The following SPATA13 variants were observed in gnomAD, a reference collection of about 807,000 sequenced individuals.
SPATA13 encodes spermatogenesis-associated protein 13.
SPATA13 carries 50 observed loss-of-function variants against 104.0 expected under a neutral mutation model. That is an observed-to-expected ratio of 0.48 (90% CI 0.38 to 0.61). The LOEUF (loss-of-function observed/expected upper bound fraction) is 0.61, where lower values mean the gene tolerates loss of function less well. Ranked by LOEUF, SPATA13 falls within the 20% of genes least tolerant of loss-of-function variation. The probability of loss-of-function intolerance (pLI) is 0.00; values close to 1 mark genes in which losing one functional copy is unlikely to be tolerated. For synonymous variants in SPATA13, 606 were observed against 667.5 expected, an observed-to-expected ratio of 0.91 and a Z score of 1.42; for missense variants, 1,524 against 1,690.6, an observed-to-expected ratio of 0.90 and a Z score of 1.73.
intron 3 of SPATA13, among the ~76,000 whole-genome samples, chr13:24,035,744 T>G (rs1380850555): frequency 6.6e-6 from 1 of 152,110 alleles, no homozygotes; most frequent in Non-Finnish European, 1.5e-5. Context: ...CTGAGCGAGG[T>G]GGCGCACACC....
chr13:24,046,877 T>G (rs536480216), intron 3 of SPATA13, among the ~76,000 whole-genome samples: 73 of 152,280 alleles, frequency 4.8e-4, no homozygotes, highest in Non-Finnish European at 8.2e-4. Flanking sequence ...ATAAAATCAG[T>G]TCACTGAGAC....
intron 4 of SPATA13, among the ~76,000 whole-genome samples, chr13:24,264,179 G>A (rs1205935778): frequency 1.3e-5 from 2 of 151,950 alleles, no homozygotes; most frequent in Admixed American, 6.6e-5. Context: ...TCATCTTCTA[G>A]CAGTTAAAAC....
intron 3 of SPATA13, among the ~76,000 whole-genome samples, chr13:24,070,873 C>T (rs187326639): frequency 4.3e-4 from 65 of 152,230 alleles, no homozygotes; most frequent in Non-Finnish European, 5.6e-4. Flanking sequence ...TCAGAACTGC[C>T]GGCCTTCAGA....
intron 2 of SPATA13, among the ~76,000 whole-genome samples, chr13:23,991,416 G>A (rs1269808358): frequency 6.6e-6 from 1 of 152,164 alleles, no homozygotes; most frequent in East Asian, 1.9e-4. Context: ...CACTCTGTCT[G>A]AAGTAAGCAA....
chr13:24,090,178 A>G (rs143498385), intron 3 of SPATA13, among the ~76,000 whole-genome samples: 344 of 151,562 alleles, frequency 2.3e-3, no homozygotes, highest in African/African-American at 7.9e-3. Context: ...ATTTCCCCCC[A>G]GTTCTCTGCA....
intron 3 of SPATA13, among the ~76,000 whole-genome samples, chr13:24,147,937 C>G (rs1427178369): frequency 6.6e-6 from 1 of 152,162 alleles, no homozygotes; most frequent in East Asian, 1.9e-4. Flanking sequence ...AATCTCCTTC[C>G]TTTTAAGGCT....
intron 2 of SPATA13, among the ~76,000 whole-genome samples, chr13:23,984,359 G>T (rs1261799071): frequency 6.6e-6 from 1 of 152,198 alleles, no homozygotes; most frequent in Non-Finnish European, 1.5e-5. Context: ...TTTATATTCT[G>T]CCTTCAAAGG....
At chr13:24,222,438 C>T (rs910159207) in intron 1 of SPATA13, among the ~76,000 whole-genome samples, 2 of 151,940 alleles carry the variant, frequency 1.3e-5, no homozygotes, top group African/African-American at 4.8e-5. Context: ...CTTTTGAAAT[C>T]GTTGTGAGGT....
At chr13:24,194,906 A>G (rs1869966050) in intron 1 of SPATA13, among the ~76,000 whole-genome samples, 1 of 152,246 alleles carries the variant, frequency 6.6e-6, no homozygotes, top group Non-Finnish European at 1.5e-5. Flanking sequence ...AGGATGAATT[A>G]TGACTAAATT....
chr13:24,133,062 G>C (rs112730047), intron 3 of SPATA13, among the ~76,000 whole-genome samples: 37 of 152,278 alleles, frequency 2.4e-4, no homozygotes, highest in African/African-American at 7.5e-4. Context: ...TTGAGGCCAG[G>C]GAAGGAGCCA....
chr13:24,092,828 A>G (rs182098542), intron 3 of SPATA13, among the ~76,000 whole-genome samples: 46 of 152,350 alleles, frequency 3.0e-4, no homozygotes, highest in African/African-American at 1.0e-3. Flanking sequence ...TATACTCCAT[A>G]GACTCCACTG....
chr13:24,085,286 C>T (rs1419564687), intron 3 of SPATA13, among the ~76,000 whole-genome samples: 1 of 152,204 alleles, frequency 6.6e-6, no homozygotes, highest in African/African-American at 2.4e-5. Context: ...GCCACCACAC[C>T]TGACAAATTT....
Position 24,224,320 on chromosome 13 carries a change from T to C in SPATA13, c.1391T>C (p.Leu464Pro). ...TFDPEQPPTP[L>P]RPTTPKPQSP... is the part of the protein sequence containing the mutation. ...GACCCTGAGCAGCCTCCCACCCCTCTAAGGCCCACCACACCCAAGCCCCAG... is the reference window on the plus strand; with the variant it reads ...GACCCTGAGCAGCCTCCCACCCCTCCAAGGCCCACCACACCCAAGCCCCAG... Residue 464 changes from leucine to proline, a missense_variant, in exon 2 of 13, where the codon CTA becomes CCA. By Grantham distance (98) the Leu-to-Pro change is moderately conservative (BLOSUM62 -3). Transcript: ENST00000382108. The C allele has an allele frequency of 6.4e-7, 1 of 1,551,590 alleles. No individual in the cohort carries two copies. The highest frequency in any genetic ancestry group is 8.7e-7 in the Non-Finnish European group (1 of 1,146,976).
intron 1 of SPATA13, among the ~76,000 whole-genome samples, chr13:24,213,783 A>C (rs1566153723): frequency 6.6e-6 from 1 of 152,194 alleles, no homozygotes; most frequent in Non-Finnish European, 1.5e-5. Context: ...TGGGAAGGGG[A>C]AGATGATACG....
chr13:24,114,790 G>A (rs1422755715), intron 3 of SPATA13, among the ~76,000 whole-genome samples: 2 of 152,132 alleles, frequency 1.3e-5, no homozygotes, highest in African/African-American at 4.8e-5. Context: ...AGCCTCCCGA[G>A]TAGCTGAAAA....
At chr13:24,004,207 A>G (rs911537795) in intron 2 of SPATA13, among the ~76,000 whole-genome samples, 4 of 152,344 alleles carry the variant, frequency 2.6e-5, no homozygotes, top group Middle Eastern at 3.4e-3. Flanking sequence ...ATAAAGAAAG[A>G]TGAATTATTA....
intron 3 of SPATA13, among the ~76,000 whole-genome samples, chr13:24,048,739 G>A (rs1878236566): frequency 6.6e-6 from 1 of 152,086 alleles, no homozygotes; most frequent in Non-Finnish European, 1.5e-5. Flanking sequence ...ATATCAGAGT[G>A]CACTCTCATA....
At chr13:24,027,394 A>G (rs1023815796) in intron 3 of SPATA13, among the ~76,000 whole-genome samples, 5 of 150,712 alleles carry the variant, frequency 3.3e-5, no homozygotes, top group African/African-American at 9.8e-5. Context: ...CGGCCTCCCA[A>G]AGTGCTGGGA....
At chr13:24,200,845 A>G (rs139738694) in intron 1 of SPATA13, among the ~76,000 whole-genome samples, 12 of 151,366 alleles carry the variant, frequency 7.9e-5, no homozygotes, top group Non-Finnish European at 1.5e-4. Flanking sequence ...AACCCCACTC[A>G]CTCCCACAAT....
Sources: gnomAD v4.1 joint callset for allele counts (sites outside exome capture counted in the v4.1 genomes callset) on GRCh38, gnomAD v4.1.1 for gene constraint, MANE v1.5 for transcripts, NCBI Gene and HGNC (gene_info 2026-07-23, HGNC 2026-07-21) for gene names.